The following DNAJC14 variants were observed in gnomAD, a reference collection of about 807,000 sequenced individuals.
DNAJC14 encodes the protein dnaJ homolog subfamily C member 14.
Under a neutral mutation model 68.8 loss-of-function variants are expected in DNAJC14, and 12 were observed. The ratio of observed to expected loss-of-function variants is 0.17; its 90% CI spans 0.11 to 0.28. The LOEUF is 0.28. Ranked by LOEUF, DNAJC14 falls within the 10% of genes least tolerant of loss-of-function variation. DNAJC14 has a pLI of 1.00. For missense variants in DNAJC14, 764 were observed against 875.6 expected (o/e 0.87, Z 1.61); for synonymous variants, 350 against 321.5 (o/e 1.09, Z -0.95).
At position 55,827,803 on chromosome 12, in the gene DNAJC14, G is replaced by A; in HGVS notation, c.856C>T (p.Leu286Phe). 10 of 1,613,944 alleles carry A rather than the reference G, an allele frequency of 6.2e-6. No homozygotes were observed. The highest frequency in any genetic ancestry group is 1.3e-5 in the African/African-American group (1 of 75,030). Reference sequence around the variant, plus strand: ...CACACTCCCATCCAAACTCGAAAAAGGTCCAAATCACTGCTTTTCAGTTGC... The same window carrying A: ...CACACTCCCATCCAAACTCGAAAAAAGTCCAAATCACTGCTTTTCAGTTGC... ...CRQLKSSDLD[L>F]FRVWMGVWTG... Residue 286 changes from leucine to phenylalanine, a missense_variant, in exon 2 of 7, where the codon CTT (leucine) becomes TTT (phenylalanine). Leu to Phe is a conservative substitution (Grantham distance 22). Transcript: ENST00000678005.
upstream of DNAJC14, chr12:55,829,737 T>G (rs1880922964): frequency 2.3e-6 from 1 of 436,750 alleles, no homozygotes; most frequent in Non-Finnish European, 3.0e-6. Context: ...AAGGAGGCGG[T>G]CCTAAGGAAG....
At chr12:55,822,811 A>G in intron 4 of DNAJC14, 79 bp from the exon 5 acceptor site, 1 of 1,548,120 alleles carries the variant, frequency 6.5e-7, no homozygotes, top group Non-Finnish European at 8.8e-7. Context: ...ACCATTATTC[A>G]CAAATAGGGC....
In DNAJC14 at chr12:55,827,909, T is replaced by A; in HGVS notation, c.750A>T (p.Ala250=). The part of the protein sequence containing the change: ...GAEELCQLGQ[A]GFWWLIELLV... ...GCAGTTCAATCAGCCACCAAAAGCC[T>A]GCCTGTCCAAGTTGACATAGTTCCT... is the stretch of plus-strand genomic sequence containing the variant. The change falls in exon 2 of 7, where the codon GCA becomes GCT. Residue 250 remains alanine, a synonymous_variant. Coordinates refer to ENST00000678005, the MANE Select transcript of DNAJC14 (RefSeq NM_032364.6). The A allele has an allele frequency of 6.2e-7, 1 of 1,607,352 alleles. No individual in the cohort carries two copies. The highest frequency in any genetic ancestry group is 1.1e-5 in the South Asian group (1 of 90,604).
At chr12:55,824,497 C>T (rs550407434) in intron 2 of DNAJC14, among the ~76,000 whole-genome samples, 66 of 152,218 alleles carry the variant, frequency 4.3e-4, no homozygotes, top group African/African-American at 1.6e-3. Context: ...TGACTGATGC[C>T]AAATAACTAA....
At chr12:55,822,822 T>C (rs911252084) in intron 4 of DNAJC14, 90 bp from the exon 5 acceptor site, 8 of 1,513,962 alleles carry the variant, frequency 5.3e-6, no homozygotes, top group Non-Finnish European at 7.1e-6. Context: ...CAAATAGGGC[T>C]GAAACATCTA....
chr12:55,827,806 C>T lies in DNAJC14; in HGVS notation c.853G>A (p.Asp285Asn). ...ACTCCCATCCAAACTCGAAAAAGGT[C>T]CAAATCACTGCTTTTCAGTTGCCTG... ...ACRQLKSSDL[D>N]LFRVWMGVWT... The change falls in exon 2 of 7, where the codon GAC (aspartate) becomes AAC (asparagine). Residue 285 changes from aspartate to asparagine, a missense_variant. By Grantham distance (23) the Asp-to-Asn change is conservative (BLOSUM62 1). Transcript: ENST00000678005. 6.2e-7 allele frequency: 1 copy of T among 1,614,024 alleles called. No homozygotes were observed. Among genetic ancestry groups the T allele is most frequent in the Non-Finnish European group, 8.5e-7 (1 of 1,179,914 alleles).
intron 2 of DNAJC14, among the ~76,000 whole-genome samples, chr12:55,825,714 T>C (rs918074585): frequency 1.3e-5 from 2 of 152,072 alleles, no homozygotes; most frequent in African/African-American, 4.8e-5. Flanking sequence ...CGGCTAATTT[T>C]TTTGTATTTT....
intron 6 of DNAJC14, 90 bp from the exon 7 acceptor site, chr12:55,822,277 G>C (rs139846472): frequency 2.0e-6 from 3 of 1,532,426 alleles, no homozygotes; most frequent in African/African-American, 2.8e-5. Context: ...AAACTTCCTA[G>C]AAAACAAGGC....
chr12:55,825,691 C>T (rs909579262), intron 2 of DNAJC14, among the ~76,000 whole-genome samples: 3 of 151,564 alleles, frequency 2.0e-5, no homozygotes, highest in Non-Finnish European at 4.4e-5. Flanking sequence ...CTACAGGCGC[C>T]CGCCACCACA....
intron 3 of DNAJC14, 78 bp from the exon 4 acceptor site, chr12:55,823,267 G>A: frequency 6.2e-7 from 1 of 1,607,072 alleles, no homozygotes; most frequent in Non-Finnish European, 8.5e-7. Flanking sequence ...GCCTCTTGAG[G>A]CCCCTGTCTA....
At position 55,827,868 on chromosome 12, in the gene DNAJC14, T is replaced by A; in HGVS notation, c.791A>T (p.Glu264Val). 6.2e-7 allele frequency: 1 copy of A among 1,612,880 alleles called. No individual in the cohort carries two copies. The highest frequency in any genetic ancestry group is 8.5e-7 in the Non-Finnish European group (1 of 1,179,184). The change falls in exon 2 of 7, where the codon GAG becomes GTG. Residue 264 changes from glutamate (E) to valine (V), a missense_variant. Coordinates refer to ENST00000678005, the MANE Select transcript of DNAJC14 (RefSeq NM_032364.6). ...WLIELLVLVGEYVETCGHLIY... is the reference protein window; with the variant it reads ...WLIELLVLVGVYVETCGHLIY... ...GAGATGGCCACAAGTTTCTACGTAC[T>A]CTCCCACCAATACCAGCAGTTCAAT...
intron 2 of DNAJC14, among the ~76,000 whole-genome samples, chr12:55,826,651 T>C (rs1478881539): frequency 2.0e-5 from 3 of 151,292 alleles, no homozygotes; most frequent in African/African-American, 4.9e-5. Context: ...AATACAAAAA[T>C]TAGCCAGGCA....
intron 2 of DNAJC14, among the ~76,000 whole-genome samples, chr12:55,826,837 C>T (rs185993116): frequency 2.0e-5 from 3 of 151,450 alleles, no homozygotes; most frequent in Non-Finnish European, 4.4e-5. Context: ...CCTTCACCTA[C>T]CCGTTAACTT....
chr12:55,827,429 C>CAT lies in DNAJC14; in HGVS notation c.1229_1230insAT (p.Gln411CysfsTer7). On this transcript the variant is annotated frameshift_variant, in exon 2 of 7. Transcript: ENST00000678005. LOFTEE classifies it high-confidence loss of function. Reference sequence around the variant, plus strand: ...CACTAGCTACAGGTGCATTCCCCTGCCTATTAATATTCTGCTTGACCCAAG... The same window carrying CAT: ...CACTAGCTACAGGTGCATTCCCCTGCATCTATTAATATTCTGCTTGACCCAAG... The CAT allele has an allele frequency of 6.2e-7, 1 of 1,610,588 alleles. No individual in the cohort carries two copies. Among genetic ancestry groups the CAT allele is most frequent in the Non-Finnish European group, 8.5e-7 (1 of 1,178,064 alleles).
chr12:55,827,428 G>C lies in DNAJC14; in HGVS notation c.1231C>G (p.Gln411Glu). The C allele has an allele frequency of 6.2e-7, 1 of 1,610,780 alleles. No homozygotes were observed. Among genetic ancestry groups the C allele is most frequent in the South Asian group, 1.1e-5 (1 of 90,744 alleles). ...LPWVKQNINRQGNAPVASGRY... is the reference protein window; with the variant it reads ...LPWVKQNINREGNAPVASGRY... ...CCACTAGCTACAGGTGCATTCCCCT[G>C]CCTATTAATATTCTGCTTGACCCAA... The change falls in exon 2 of 7, where the codon CAG (glutamine) becomes GAG (glutamate). Residue 411 changes from glutamine to glutamate, a missense_variant. This residue lies in a region of DNAJC14 where 514 missense variants were observed against 521.7 expected (regional missense o/e 0.99). Transcript: ENST00000678005.
At position 55,827,989 on chromosome 12, in the gene DNAJC14, C is replaced by A. The variant is rs760443727; in HGVS notation, c.670G>T (p.Gly224Cys). ...TTATCTGCCTGACTTCGTTTCCGAC[C>A]CAGCCGATGTCGACCAGGGGACCTG... ...DPRSPGRHRL[G>C]RKRSQADKRK... The change falls in exon 2 of 7, where the codon GGT becomes TGT. Residue 224 changes from glycine to cysteine, a missense_variant. By Grantham distance (159) the Gly-to-Cys change is radical. This residue lies in a region of DNAJC14 where 514 missense variants were observed against 521.7 expected (regional missense o/e 0.99). Coordinates refer to ENST00000678005, the MANE Select transcript of DNAJC14 (RefSeq NM_032364.6). 1.2e-6 allele frequency: 2 copies of A among 1,613,266 alleles called. No individual in the cohort carries two copies. The highest frequency in any genetic ancestry group is 1.1e-5 in the South Asian group (1 of 91,046).
In DNAJC14 at chr12:55,827,723, C is replaced by A. The variant is rs762604132; in HGVS notation, c.936G>T (p.Gly312=). ...TAAACAGTCCTACTCCACAGTAAAA[C>A]CCCTGGCTTAGAAACTGAAACATGA... is the stretch of plus-strand genomic sequence containing the variant. ...AQVMFQFLSQ[G]FYCGVGLFTR... is the part of the protein sequence containing the mutation. The change falls in exon 2 of 7, where the codon GGG becomes GGT. Residue 312 remains glycine (G), a synonymous_variant. Transcript: ENST00000678005. The A allele has an allele frequency of 1.2e-6, 2 of 1,614,176 alleles. No individual in the cohort carries two copies. Among genetic ancestry groups the A allele is most frequent in the South Asian group, 2.2e-5 (2 of 91,084 alleles).
chr12:55,827,555 C>G lies in DNAJC14; in HGVS notation c.1104G>C (p.Trp368Cys). The change falls in exon 2 of 7, where the codon TGG becomes TGC. Residue 368 changes from tryptophan (W) to cysteine (C), a missense_variant. This residue lies in a region of DNAJC14 where 514 missense variants were observed against 521.7 expected (regional missense o/e 0.99). Coordinates refer to ENST00000678005, the MANE Select transcript of DNAJC14 (RefSeq NM_032364.6). Reference protein sequence around the residue: ...WRDKATWLFSWLDSPALQRCL... With the variant: ...WRDKATWLFSCLDSPALQRCL... ...AACGCTGCAAGGCTGGAGAATCCAG[C>G]CAAGAGAAGAGCCAGGTAGCCTTAT... is the stretch of plus-strand genomic sequence containing the variant. 6.2e-7 allele frequency: 1 copy of G among 1,606,310 alleles called. No individual in the cohort carries two copies. The highest frequency in any genetic ancestry group is 8.5e-7 in the Non-Finnish European group (1 of 1,173,520).
rs1010463167 is a variant in DNAJC14 at position 55,829,545 on chromosome 12, C to A, written c.-113G>T. On this transcript the variant is annotated 5_prime_UTR_variant, in exon 1 of 7. Transcript: ENST00000678005. ...CCGCCCGGCCTGGGGCCAGGGTGAG[C>A]TACGAGAGCCGCTCTCCCGGCTCCG... 6.1e-6 allele frequency: 6 copies of A among 985,312 alleles called. No individual in the cohort carries two copies. The African/African-American group carries it at 1.0e-4, about 17-fold the overall frequency. The allele number at this position is 985,312 out of a possible 1,614,324, so 61.0% of individuals were successfully genotyped here. A position where few individuals can be genotyped will look rare whatever the true frequency, so the allele number is the denominator to read the frequency against.
Sources: gnomAD v4.1 joint callset for allele counts (sites outside exome capture counted in the v4.1 genomes callset) on GRCh38, gnomAD v4.1.1 for gene constraint, gnomAD v4.1.1 regional missense constraint, MANE v1.5 for transcripts, NCBI Gene and HGNC (gene_info 2026-07-23, HGNC 2026-07-21) for gene names.